PLCB1: variants seen among roughly 807,000 people sequenced by gnomAD.
PLCB1 encodes 1-phosphatidylinositol 4,5-bisphosphate phosphodiesterase beta-1.
PLCB1 carries 46 observed loss-of-function variants against 161.8 expected under a neutral mutation model. The ratio of observed to expected loss-of-function variants is 0.28; its 90% CI spans 0.22 to 0.36. The LOEUF (loss-of-function observed/expected upper bound fraction) is 0.36, where lower values mean the gene tolerates loss of function less well. PLCB1 is among the 10% of genes least tolerant of loss of function. The pLI is 1.00. For missense variants in PLCB1, 1,016 were observed against 1,472.5 expected (o/e 0.69, Z 5.07); for synonymous variants, 517 against 503.7 (o/e 1.03, Z -0.35).
At chr20:8,245,184 G>A (rs1188504106) in intron 2 of PLCB1, among the ~76,000 whole-genome samples, 6 of 151,672 alleles carry the variant, frequency 4.0e-5, no homozygotes, top group Admixed American at 2.0e-4. Context: ...TTTTGAAAAT[G>A]TTTTCCCTGT....
intron 2 of PLCB1, among the ~76,000 whole-genome samples, chr20:8,293,111 A>G (rs1366359892): frequency 2.0e-5 from 3 of 152,172 alleles, no homozygotes; most frequent in Non-Finnish European, 4.4e-5. Context: ...TCTTAAAAAA[A>G]AGTCTGTAAA....
chr20:8,198,141 G>A (rs983017097), intron 2 of PLCB1, among the ~76,000 whole-genome samples: 8 of 152,046 alleles, frequency 5.3e-5, no homozygotes, highest in Non-Finnish European at 1.0e-4. Flanking sequence ...TTGACAATGC[G>A]GGCTCTTTTT....
rs1237632424 is a variant in PLCB1 at position 8,884,363 on chromosome 20, C to G, written c.*2514C>G. ...TTTGTCGAATGTGTGAAATTCCGTACTGTGGTTTTTCCTATAATAGAAAGT... is the reference window on the plus strand; with the variant it reads ...TTTGTCGAATGTGTGAAATTCCGTAGTGTGGTTTTTCCTATAATAGAAAGT... On this transcript the variant is annotated 3_prime_UTR_variant, in exon 32 of 32. Coordinates refer to ENST00000338037, the MANE Select transcript of PLCB1 (RefSeq NM_015192.4). 6.6e-6 allele frequency: 1 copy of G among 152,516 alleles called. No individual in the cohort carries two copies. Among genetic ancestry groups the G allele is most frequent in the East Asian group, 1.9e-4 (1 of 5,188 alleles). The allele number at this position is 152,516 out of a possible 1,614,324, so 9.4% of individuals were successfully genotyped here.
chr20:8,289,181 G>A (rs1270202339), intron 2 of PLCB1, among the ~76,000 whole-genome samples: 1 of 152,198 alleles, frequency 6.6e-6, no homozygotes, highest in African/African-American at 2.4e-5. Flanking sequence ...GCTTATTAGT[G>A]TGTGCTTTAT....
intron 2 of PLCB1, among the ~76,000 whole-genome samples, chr20:8,204,322 A>T (rs1408918597): frequency 1.1e-4 from 16 of 152,246 alleles, no homozygotes; most frequent in Admixed American, 9.2e-4. Context: ...GAGTGAAGGC[A>T]CATAATGTTA....
intron 31 of PLCB1, among the ~76,000 whole-genome samples, chr20:8,848,699 GGGGGGC>G (rs1986780121): frequency 6.6e-6 from 1 of 152,160 alleles, no homozygotes; most frequent in Non-Finnish European, 1.5e-5. Flanking sequence ...AAGGAGGGCT[GGGGGGC>G]CATGAGGGCC....
intron 14 of PLCB1, among the ~76,000 whole-genome samples, chr20:8,718,065 C>G (rs558441618): frequency 1.0e-5 from 1 of 97,400 alleles, no homozygotes; most frequent in South Asian, 4.5e-4. Flanking sequence ...TGCAAAAATA[C>G]AAAAATTATC....
intron 14 of PLCB1, among the ~76,000 whole-genome samples, chr20:8,721,136 T>C (rs1416255546): frequency 2.0e-5 from 3 of 152,242 alleles, no homozygotes; most frequent in South Asian, 2.1e-4. Context: ...ACTACTGTCA[T>C]TCAGTAATTG....
chr20:8,255,767 A>T (rs910707861), intron 2 of PLCB1, among the ~76,000 whole-genome samples: 12 of 152,002 alleles, frequency 7.9e-5, no homozygotes, highest in African/African-American at 2.7e-4. Context: ...TATTTAATAA[A>T]TTGTCGATAT....
intron 31 of PLCB1, among the ~76,000 whole-genome samples, chr20:8,832,299 G>T (rs1227421108): frequency 6.6e-6 from 1 of 152,090 alleles, no homozygotes; most frequent in Non-Finnish European, 1.5e-5. Context: ...ACTTACTCAG[G>T]GAACTGGAGG....
At chr20:8,419,877 T>A (rs1979467561) in intron 3 of PLCB1, among the ~76,000 whole-genome samples, 1 of 152,156 alleles carries the variant, frequency 6.6e-6, no homozygotes, top group South Asian at 2.1e-4. Context: ...TTTTTTAAGA[T>A]AACTATACTA....
intron 3 of PLCB1, among the ~76,000 whole-genome samples, chr20:8,456,522 A>G (rs560652367): frequency 6.6e-6 from 1 of 152,246 alleles, no homozygotes; most frequent in East Asian, 1.9e-4. Flanking sequence ...TAAAGGGTGT[A>G]TTTCCTGCTT....
chr20:8,873,521 A>G (rs1244178844), intron 31 of PLCB1, among the ~76,000 whole-genome samples: 1 of 152,060 alleles, frequency 6.6e-6, no homozygotes, highest in Non-Finnish European at 1.5e-5. Context: ...TCATTTTAGA[A>G]TGCTATTTTT....
At chr20:8,867,097 A>G (rs1987454948) in intron 31 of PLCB1, among the ~76,000 whole-genome samples, 1 of 152,330 alleles carries the variant, frequency 6.6e-6, no homozygotes, top group Middle Eastern at 3.4e-3. Context: ...TCATTCTAGG[A>G]CATTTGATTC....
chr20:8,212,211 T>G (rs915577208), intron 2 of PLCB1, among the ~76,000 whole-genome samples: 8 of 152,162 alleles, frequency 5.3e-5, no homozygotes, highest in Non-Finnish European at 1.2e-4. Flanking sequence ...TCATTAGTGG[T>G]ACATTAGAAA....
chr20:8,188,434 T>C (rs1329357221), intron 2 of PLCB1, among the ~76,000 whole-genome samples: 2 of 133,642 alleles, frequency 1.5e-5, no homozygotes, highest in East Asian at 4.1e-4. Flanking sequence ...AGAAAATAAA[T>C]AGAAAAAAAA....
At chr20:8,188,128 C>T (rs1418499329) in intron 2 of PLCB1, among the ~76,000 whole-genome samples, 2 of 152,132 alleles carry the variant, frequency 1.3e-5, no homozygotes, top group African/African-American at 4.8e-5. Context: ...AGGCTCTGGT[C>T]TTCCCAACAT....
intron 31 of PLCB1, among the ~76,000 whole-genome samples, chr20:8,792,293 G>T (rs1983796406): frequency 6.6e-6 from 1 of 152,184 alleles, no homozygotes; most frequent in Non-Finnish European, 1.5e-5. Flanking sequence ...ATCATGGGCA[G>T]TAGGGTATCA....
chr20:8,143,555 T>A (rs547297425), intron 1 of PLCB1, among the ~76,000 whole-genome samples: 50 of 152,302 alleles, frequency 3.3e-4, no homozygotes, highest in African/African-American at 1.0e-3. Flanking sequence ...TCATTATAAC[T>A]GCTATGAAGG....
Sources: allele counts gnomAD v4.1 joint callset (sites outside exome capture counted in the v4.1 genomes callset), GRCh38; gene constraint gnomAD v4.1.1; transcripts MANE v1.5; gene names NCBI Gene and HGNC (gene_info 2026-07-23, HGNC 2026-07-21).